Variants in PALD1 observed in about 807,000 individuals in gnomAD.
The protein encoded by PALD1 is paladin.
In PALD1, 57 loss-of-function variants were observed where a neutral mutation model predicts 96.0. That is an observed-to-expected ratio of 0.59 (90% CI 0.48 to 0.74). PALD1 has a LOEUF of 0.74. Among genes scored for constraint, PALD1 ranks in the 30% least tolerant of loss-of-function variants. The pLI is 0.00. For missense variants in PALD1, 1,063 were observed against 1,143.7 expected (o/e 0.93, Z 1.02); for synonymous variants, 464 against 473.6 (o/e 0.98, Z 0.26).
At chr10:70,464,718 C>T in the PALD1 span, among the ~76,000 whole-genome samples, 3 of 148,438 alleles carry the variant, frequency 2.0e-5, no homozygotes, top group South Asian at 2.2e-4. Context: ...CTCTGCCTCC[C>T]GGGTTCAAGC....
At position 70,531,606 on chromosome 10, in the gene PALD1, G is replaced by C. The variant is rs1303706190; in HGVS notation, c.633+152G>C. 9 of 677,044 alleles carry C rather than the reference G, an allele frequency of 1.3e-5. No homozygotes were observed. The South Asian group carries it at 2.0e-4, about 15-fold the overall frequency. 41.9% of individuals were successfully genotyped at this position (677,044 alleles called of 1,614,324 possible). A position where few individuals can be genotyped will look rare whatever the true frequency, so the allele number is the denominator to read the frequency against. ...GTGGCTGGCTGCAAGGCTGACTCAC[G>C]GGCAGCCAGAGGAAGGACTTCCTAT... On this transcript the variant is annotated intron_variant, in intron 5 of 19. Coordinates refer to ENST00000263563, the MANE Select transcript of PALD1 (RefSeq NM_014431.3).
At chr10:70,510,852 C>A (rs993900377) in intron 1 of PALD1, among the ~76,000 whole-genome samples, 4 of 152,200 alleles carry the variant, frequency 2.6e-5, no homozygotes, top group Non-Finnish European at 5.9e-5. Flanking sequence ...CTGCAGCTGA[C>A]TCAGGGAAAG....
At chr10:70,480,025 G>A (rs1026896261) in intron 1 of PALD1, among the ~76,000 whole-genome samples, 1 of 152,250 alleles carries the variant, frequency 6.6e-6, no homozygotes, top group Non-Finnish European at 1.5e-5. Flanking sequence ...TGCTATGTGA[G>A]TAATGTAGGC....
At chr10:70,544,607 G>A (rs893258489) in intron 17 of PALD1, among the ~76,000 whole-genome samples, 1 of 152,058 alleles carries the variant, frequency 6.6e-6, no homozygotes, top group Non-Finnish European at 1.5e-5. Flanking sequence ...GGATGACCTC[G>A]AGTTTCTGGC....
At chr10:70,525,521 C>T (rs770898727) in intron 1 of PALD1, among the ~76,000 whole-genome samples, 220 of 152,204 alleles carry the variant, frequency 1.4e-3, no homozygotes, top group Non-Finnish European at 2.6e-3. Context: ...GGTTCTTTCT[C>T]GGTGACATTT....
chr10:70,517,700 A>G (rs1035232615), intron 1 of PALD1, among the ~76,000 whole-genome samples: 1 of 152,126 alleles, frequency 6.6e-6, no homozygotes, highest in African/African-American at 2.4e-5. Flanking sequence ...CACCACATTC[A>G]GTATCCCCAG....
At chr10:70,469,561 C>G in the PALD1 span, among the ~76,000 whole-genome samples, 1 of 152,060 alleles carries the variant, frequency 6.6e-6, no homozygotes, top group African/African-American at 2.4e-5. Flanking sequence ...GGGCTGGGTT[C>G]CCCTGGGCCA....
chr10:70,505,385 C>T (rs1236872058), intron 1 of PALD1, among the ~76,000 whole-genome samples: 2 of 152,078 alleles, frequency 1.3e-5, no homozygotes, highest in South Asian at 2.1e-4. Flanking sequence ...CACCTGAGGT[C>T]GGGGGTTCGA....
At chr10:70,532,435 C>A (rs79965929) in intron 5 of PALD1, among the ~76,000 whole-genome samples, 186 bp from the exon 6 acceptor site, 1,529 of 152,330 alleles carry the variant, frequency 0.01, 25 homozygotes, top group African/African-American at 0.034. Flanking sequence ...TGTGTAGGCA[C>A]CCCGATTCCT....
rs781513750 is a variant in PALD1, at chr10:70,557,930, C to CTTTTTTTTTTTTTT, written c.2263-6427_2263-6414dup. ...CTGAACCTGGCCTTGTTGGCTCTTC[C>CTTTTTTTTTTTTTT]TTTTTTTTTTTTTTTTTTTTAGAGA... On this transcript the variant is annotated intron_variant, in intron 18 of 19. Coordinates refer to ENST00000263563, the MANE Select transcript of PALD1 (RefSeq NM_014431.3). Among the ~76,000 whole-genome samples the CTTTTTTTTTTTTTT allele has an allele frequency of 1.1e-3, 102 of 92,880 alleles. 8 individuals are homozygous for CTTTTTTTTTTTTTT. Among genetic ancestry groups the CTTTTTTTTTTTTTT allele is most frequent in the African/African-American group, 3.5e-3 (88 of 25,080 alleles). 60.9% of individuals were successfully genotyped at this position (92,880 alleles called of 152,430 possible).
upstream of PALD1, among the ~76,000 whole-genome samples, chr10:70,477,361 AC>A (rs2132245228): frequency 6.6e-6 from 1 of 152,362 alleles, no homozygotes; most frequent in Non-Finnish European, 1.5e-5. Flanking sequence ...CTGAGAACTT[AC>A]GTCACTTTTC....
At chr10:70,479,537 C>T (rs1845892474) in intron 1 of PALD1, among the ~76,000 whole-genome samples, 1 of 152,228 alleles carries the variant, frequency 6.6e-6, no homozygotes, top group South Asian at 2.1e-4. Context: ...GTCTGGCCCT[C>T]TTCCTCTGTA....
chr10:70,511,825 G>A (rs1343267030), intron 1 of PALD1, among the ~76,000 whole-genome samples: 1 of 152,124 alleles, frequency 6.6e-6, no homozygotes, highest in South Asian at 2.1e-4. Context: ...TCAGGAGTTC[G>A]AGACCAGCCT....
chr10:70,538,129 A>G, intron 11 of PALD1, 151 bp from the exon 12 acceptor site: 1 of 843,006 alleles, frequency 1.2e-6, no homozygotes, highest in Non-Finnish European at 1.8e-6. Context: ...CCAGGACACC[A>G]GACGTCCAGG....
chr10:70,563,538 T>TCCTCTCCCAACC (rs372881545), intron 18 of PALD1, among the ~76,000 whole-genome samples: 5 of 152,260 alleles, frequency 3.3e-5, no homozygotes, highest in Admixed American at 1.3e-4. Flanking sequence ...CACCCACACA[T>TCCTCTCCCAACC]CCTCTCCCAA....
chr10:70,488,950 GT>G (rs1330506081), intron 1 of PALD1, among the ~76,000 whole-genome samples: 66 of 151,344 alleles, frequency 4.4e-4, no homozygotes, highest in Non-Finnish European at 4.7e-4. Context: ...ACTGCTGGGG[GT>G]TCTGGGCGGA....
chr10:70,473,704 G>T, the PALD1 span, among the ~76,000 whole-genome samples: 1 of 151,952 alleles, frequency 6.6e-6, no homozygotes, highest in Non-Finnish European at 1.5e-5. Context: ...GGAGTGCAGT[G>T]GTGTGATCTC....
At chr10:70,488,856 G>A (rs1336153014) in intron 1 of PALD1, among the ~76,000 whole-genome samples, 2 of 151,930 alleles carry the variant, frequency 1.3e-5, no homozygotes, top group Non-Finnish European at 2.9e-5. Flanking sequence ...CCGTCCCTGG[G>A]GTCTGGGTGG....
intron 1 of PALD1, among the ~76,000 whole-genome samples, chr10:70,519,242 C>T (rs1846677965): frequency 6.6e-6 from 1 of 152,130 alleles, no homozygotes. Context: ...TGTGCCTGGC[C>T]TCTAATATTT....
Sources: gnomAD v4.1 joint callset for allele counts (sites outside exome capture counted in the v4.1 genomes callset) on GRCh38, gnomAD v4.1.1 for gene constraint, MANE v1.5 for transcripts, NCBI Gene and HGNC (gene_info 2026-07-23, HGNC 2026-07-21) for gene names.